The following TTC7A variants were observed in gnomAD, a reference collection of about 807,000 sequenced individuals.
TTC7A encodes tetratricopeptide repeat protein 7A.
TTC7A carries 110 observed loss-of-function variants against 103.7 expected under a neutral mutation model. The observed-to-expected ratio is 1.06, with a 90% CI of 0.91 to 1.24. The LOEUF (loss-of-function observed/expected upper bound fraction) is 1.24, where lower values mean the gene tolerates loss of function less well. TTC7A is among the 50% of genes most tolerant of loss of function. The pLI is 0.00. For synonymous variants in TTC7A, 521 were observed against 467.9 expected, an observed-to-expected ratio of 1.11 and a Z score of -1.47; for missense variants, 1,340 against 1,116.3, an observed-to-expected ratio of 1.20 and a Z score of -2.86.
intron 1 of TTC7A, among the ~76,000 whole-genome samples, chr2:46,947,511 T>A (rs1397026975): frequency 6.6e-6 from 1 of 152,084 alleles, no homozygotes; most frequent in East Asian, 1.9e-4. Context: ...AGCCCAGGAG[T>A]TCGAGACCAG....
At chr2:47,027,020 T>C (rs1572953607) in intron 14 of TTC7A, among the ~76,000 whole-genome samples, 1 of 152,164 alleles carries the variant, frequency 6.6e-6, no homozygotes, top group South Asian at 2.1e-4. Flanking sequence ...GCCCTGGGTA[T>C]GTAGCTGGCA....
chr2:47,021,890 T>A lies in TTC7A; in HGVS notation c.1421T>A (p.Met474Lys). The change falls in exon 12 of 20, where the codon ATG becomes AAG. Residue 474 changes from methionine (M) to lysine (K), a missense_variant. Physicochemically the swap from Met to Lys is moderately conservative, Grantham distance 95 (BLOSUM62 -1). Transcript: ENST00000319190. ...GAGGAAGCAGAGCACTTTGCCATGA[T>A]GGTGATCAGCCTCGGAGAGGAAGCC... ...WLEEAEHFAM[M>K]VISLGEEAGE... is the part of the protein sequence containing the mutation. 6.2e-7 allele frequency: 1 copy of A among 1,614,180 alleles called. No individual in the cohort carries two copies. Among genetic ancestry groups the A allele is most frequent in the Non-Finnish European group, 8.5e-7 (1 of 1,179,998 alleles).
At chr2:46,935,874 G>A (rs1046800897) in intron 2 of TTC7A, among the ~76,000 whole-genome samples, 4 of 152,100 alleles carry the variant, frequency 2.6e-5, no homozygotes, top group African/African-American at 9.7e-5. Flanking sequence ...AGGATTGCTA[G>A]TGGCCAGGAG....
intron 10 of TTC7A, 139 bp downstream of exon 10, chr2:47,006,863 G>A (rs991268604): frequency 2.2e-5 from 15 of 697,070 alleles, no homozygotes; most frequent in East Asian, 1.6e-4. Context: ...AGTGAGGGGC[G>A]TGGGGTGGGC....
At chr2:46,916,326 C>G (rs572757801) in exon 1 of TTC7A, 11 of 283,440 alleles carry the variant, frequency 3.9e-5, no homozygotes, top group Non-Finnish European at 5.8e-5. Context: ...GCCAGCTCCA[C>G]TGCACAAGCT....
At chr2:46,993,570 G>A (rs1223521155) in intron 6 of TTC7A, 42 bp downstream of exon 6, 2 of 1,590,206 alleles carry the variant, frequency 1.3e-6, no homozygotes, top group Non-Finnish European at 1.7e-6. Context: ...TTAGGAGTCA[G>A]CTTTGGTGGG....
chr2:46,941,652 G>A lies in TTC7A; in HGVS notation c.111G>A (p.Gln37=). Residue 37 remains glutamine, a synonymous_variant, in exon 1 of 20, where the codon CAG becomes CAA. Coordinates refer to ENST00000319190, the MANE Select transcript of TTC7A (RefSeq NM_020458.4). The surrounding 1 kb of genome is among the most constrained non-coding windows in gnomAD (Gnocchi z 4.2). ...TGCCGGAGCTGGTCCGGCAGCTGCAGACGCTGAGCATGCCCGGCGGCGGAG... is the reference window on the plus strand; with the variant it reads ...TGCCGGAGCTGGTCCGGCAGCTGCAAACGCTGAGCATGCCCGGCGGCGGAG... ...DRMPELVRQL[Q]TLSMPGGGGN... 6.4e-7 allele frequency: 1 copy of A among 1,552,620 alleles called. No individual in the cohort carries two copies. The highest frequency in any genetic ancestry group is 8.7e-7 in the Non-Finnish European group (1 of 1,148,418).
intron 16 of TTC7A, among the ~76,000 whole-genome samples, chr2:47,048,813 A>G (rs1284562493): frequency 6.6e-6 from 1 of 151,880 alleles, no homozygotes; most frequent in African/African-American, 2.4e-5. Flanking sequence ...CTGTTATCCA[A>G]GCTGTTGTTG....
At chr2:46,964,770 T>C (rs1255144545) in intron 3 of TTC7A, among the ~76,000 whole-genome samples, 1 of 152,182 alleles carries the variant, frequency 6.6e-6, no homozygotes, top group Non-Finnish European at 1.5e-5. Context: ...CCGGTGGGTC[T>C]CTTCCATTTC....
intron 2 of TTC7A, among the ~76,000 whole-genome samples, chr2:46,921,320 A>G (rs1260822790): frequency 3.3e-5 from 5 of 152,372 alleles, no homozygotes; most frequent in African/African-American, 1.2e-4. Flanking sequence ...GCACTGTCAC[A>G]GGATACATTA....
intron 11 of TTC7A, among the ~76,000 whole-genome samples, chr2:47,014,982 C>T (rs1434406722): frequency 1.3e-5 from 2 of 152,246 alleles, no homozygotes; most frequent in East Asian, 1.9e-4. Flanking sequence ...GGCAGAGGGA[C>T]GTGCATGGTC....
intron 2 of TTC7A, among the ~76,000 whole-genome samples, chr2:46,930,343 A>G (rs35850425): frequency 6.6e-6 from 1 of 151,872 alleles, no homozygotes; most frequent in Admixed American, 6.6e-5. Flanking sequence ...TTCAAATAGC[A>G]CTATAAATTC....
intron 2 of TTC7A, among the ~76,000 whole-genome samples, chr2:46,934,787 C>CTTTTCTT (rs1669883537): frequency 6.0e-5 from 4 of 66,888 alleles, no homozygotes; most frequent in African/African-American, 2.6e-4. Context: ...GACTACTGCT[C>CTTTTCTT]TTTTTTTTTT....
intron 5 of TTC7A, among the ~76,000 whole-genome samples, chr2:46,988,287 G>T (rs942795543): frequency 6.6e-6 from 1 of 152,190 alleles, no homozygotes; most frequent in African/African-American, 2.4e-5. Flanking sequence ...CTATTCTGAG[G>T]CTGGGGGTGA....
At chr2:47,028,151 AG>A (rs1041995620) in intron 14 of TTC7A, among the ~76,000 whole-genome samples, 1 of 152,132 alleles carries the variant, frequency 6.6e-6, no homozygotes, top group African/African-American at 2.4e-5. Context: ...TGGTCTCTTC[AG>A]GAAAGGGCTC....
chr2:46,936,987 T>G (rs1670011268), upstream of TTC7A, among the ~76,000 whole-genome samples: 1 of 151,900 alleles, frequency 6.6e-6, no homozygotes, highest in Non-Finnish European at 1.5e-5. Flanking sequence ...CTCAAGTAGG[T>G]GGGACCACAG....
chr2:46,954,824 A>G (rs542575250), intron 2 of TTC7A, among the ~76,000 whole-genome samples: 1 of 151,730 alleles, frequency 6.6e-6, no homozygotes, highest in Admixed American at 6.6e-5. Flanking sequence ...GCCTGCCTCG[A>G]CCTCCCAAAG....
At chr2:46,996,897 C>T (rs549445984) in intron 8 of TTC7A, among the ~76,000 whole-genome samples, 3 of 152,294 alleles carry the variant, frequency 2.0e-5, no homozygotes, top group South Asian at 4.1e-4. Flanking sequence ...CGCCATTTCA[C>T]CACGTTCACC....
intron 5 of TTC7A, among the ~76,000 whole-genome samples, chr2:46,983,620 C>T (rs138158635): frequency 1.6e-4 from 24 of 152,348 alleles, no homozygotes; most frequent in South Asian, 4.1e-4. Context: ...AAGCCCGGCA[C>T]GGACCTGGGG....
Sources: gnomAD v4.1 joint callset for allele counts (sites outside exome capture counted in the v4.1 genomes callset) on GRCh38, gnomAD v4.1.1 for gene constraint, Gnocchi (gnomAD v3.1) non-coding constraint, MANE v1.5 for transcripts, NCBI Gene and HGNC (gene_info 2026-07-23, HGNC 2026-07-21) for gene names.